Variants in BMPER observed in about 807,000 individuals in gnomAD.
BMPER encodes BMP-binding endothelial regulator protein.
Under a neutral mutation model 87.3 loss-of-function variants are expected in BMPER, and 45 were observed. The ratio of observed to expected loss-of-function variants is 0.52; its 90% confidence interval spans 0.41 to 0.66. The LOEUF is 0.66. BMPER is among the 30% of genes least tolerant of loss of function. The pLI is 0.00. For synonymous variants in BMPER, 326 were observed against 316.2 expected, an observed-to-expected ratio of 1.03 and a Z score of -0.33; for missense variants, 784 against 867.5, an observed-to-expected ratio of 0.90 and a Z score of 1.21.
intron 6 of BMPER, among the ~76,000 whole-genome samples, chr7:34,014,414 T>C (rs1373623934): frequency 6.6e-6 from 1 of 151,900 alleles, no homozygotes; most frequent in Non-Finnish European, 1.5e-5. Flanking sequence ...AGAGGAGAGA[T>C]ATCCTTCAAA....
chr7:33,989,358 G>C (rs1218966681), intron 6 of BMPER, among the ~76,000 whole-genome samples: 1 of 151,512 alleles, frequency 6.6e-6, no homozygotes, highest in Admixed American at 6.6e-5. Flanking sequence ...GCATTTCTCT[G>C]ATGGCCAGTG....
intron 6 of BMPER, among the ~76,000 whole-genome samples, chr7:34,009,355 A>G (rs1200556243): frequency 6.6e-6 from 1 of 151,976 alleles, no homozygotes; most frequent in Non-Finnish European, 1.5e-5. Context: ...AAGATTAAAT[A>G]ACCTTCATAA....
At chr7:34,131,251 G>T (rs1020685841) in intron 13 of BMPER, among the ~76,000 whole-genome samples, 1 of 152,134 alleles carries the variant, frequency 6.6e-6, no homozygotes. Context: ...GGGACGGGTA[G>T]CACCCTGTTT....
intron 13 of BMPER, among the ~76,000 whole-genome samples, chr7:34,107,693 G>A (rs977487359): frequency 5.3e-5 from 8 of 152,158 alleles, no homozygotes; most frequent in African/African-American, 1.7e-4. Flanking sequence ...TTTCTCCAAT[G>A]AGACTGCTTT....
chr7:33,959,659 T>A (rs1440582718), intron 3 of BMPER, among the ~76,000 whole-genome samples: 1 of 152,224 alleles, frequency 6.6e-6, no homozygotes, highest in Admixed American at 6.5e-5. Flanking sequence ...TTTTTCTCCC[T>A]TAATGCATTG....
intron 14 of BMPER, among the ~76,000 whole-genome samples, chr7:34,147,611 C>T (rs1254676482): frequency 1.3e-5 from 2 of 152,082 alleles, no homozygotes; most frequent in Non-Finnish European, 2.9e-5. Flanking sequence ...GCTGGGATTA[C>T]AGGCATGTGC....
intron 13 of BMPER, among the ~76,000 whole-genome samples, chr7:34,136,318 T>C (rs935265590): frequency 1.3e-5 from 2 of 152,166 alleles, no homozygotes; most frequent in East Asian, 3.9e-4. Context: ...AGAATGAGTG[T>C]GTGAACGTGC....
intron 13 of BMPER, among the ~76,000 whole-genome samples, chr7:34,123,207 G>C (rs1790305692): frequency 6.6e-6 from 1 of 152,130 alleles, no homozygotes; most frequent in African/African-American, 2.4e-5. Context: ...TATTTAGATG[G>C]TAGAAGTACT....
At chr7:33,914,460 G>A (rs1320764232) in intron 2 of BMPER, among the ~76,000 whole-genome samples, 1 of 152,088 alleles carries the variant, frequency 6.6e-6, no homozygotes, top group Non-Finnish European at 1.5e-5. Context: ...TCTGGCCAAT[G>A]TCATAGACAC....
In BMPER at chr7:33,966,271, T is replaced by C. The variant is rs75119893; in HGVS notation, c.320-208T>C. 8.3e-3 allele frequency among the ~76,000 whole-genome samples: 1,258 copies of C among 152,324 alleles called. 17 individuals carry two copies. Among genetic ancestry groups the C allele is most frequent in the African/African-American group, 0.029 (1,194 of 41,578 alleles). The stretch of plus-strand genomic sequence containing the variant: ...ATAATATAATTCAGGAGGTTAATCT[T>C]CTCAGTAGTCAATGAATTAATGTAA... On this transcript the variant is annotated intron_variant, in intron 3 of 14. Coordinates refer to ENST00000649409, the MANE Select transcript of BMPER (RefSeq NM_001365308.1).
intron 11 of BMPER, among the ~76,000 whole-genome samples, chr7:34,067,950 A>G (rs1309434564): frequency 1.3e-5 from 2 of 152,200 alleles, no homozygotes; most frequent in African/African-American, 4.8e-5. Context: ...CCTATTGTCA[A>G]TTCCCACAGG....
At position 34,055,280 on chromosome 7, in the gene BMPER, A is replaced by G. The variant is rs555635258; in HGVS notation, c.904A>G (p.Lys302Glu). ...RVPPEDIKVC[K>E]FGNKIFQDGE... ...GCCCCCAGAAGACATCAAAGTATGC[A>G]AATTTGGCAACAAGATTTTCCAGGT... Residue 302 changes from lysine to glutamate, a missense_variant, in exon 9 of 15, where the codon AAA becomes GAA. Transcript: ENST00000649409. 7.4e-6 allele frequency: 12 copies of G among 1,614,032 alleles called. No individual in the cohort carries two copies. Among genetic ancestry groups the G allele is most frequent in the African/African-American group, 4.0e-5 (3 of 74,920 alleles).
chr7:33,935,323 C>T (rs920488601), intron 2 of BMPER, among the ~76,000 whole-genome samples: 2 of 152,092 alleles, frequency 1.3e-5, no homozygotes, highest in Admixed American at 6.5e-5. Flanking sequence ...CAGAAATACT[C>T]TCCCCTGATG....
intron 14 of BMPER, among the ~76,000 whole-genome samples, chr7:34,148,788 T>G (rs1350975597): frequency 1.3e-5 from 2 of 152,076 alleles, no homozygotes; most frequent in Admixed American, 1.3e-4. Flanking sequence ...TTCATAGCTA[T>G]AGAATAGTCA....
At chr7:34,073,870 G>T (rs1371695330) in intron 11 of BMPER, among the ~76,000 whole-genome samples, 1 of 152,222 alleles carries the variant, frequency 6.6e-6, no homozygotes, top group Non-Finnish European at 1.5e-5. Flanking sequence ...TGGGAAGCTG[G>T]CATTGGGCCG....
intron 11 of BMPER, among the ~76,000 whole-genome samples, chr7:34,075,197 C>T (rs1028671491): frequency 6.6e-6 from 1 of 152,138 alleles, no homozygotes; most frequent in African/African-American, 2.4e-5. Flanking sequence ...CAGTGTCACT[C>T]TTATTTCTCA....
At chr7:34,061,865 C>A in intron 10 of BMPER, 137 bp from the exon 11 acceptor site, 1 of 716,006 alleles carries the variant, frequency 1.4e-6, no homozygotes, top group Non-Finnish European at 2.3e-6. Context: ...ACCATCTGGG[C>A]ATTGAGTTCA....
chr7:34,073,634 A>G (rs1788790687), intron 11 of BMPER, among the ~76,000 whole-genome samples: 1 of 152,242 alleles, frequency 6.6e-6, no homozygotes, highest in Non-Finnish European at 1.5e-5. Flanking sequence ...TTAGAAGTTA[A>G]GAATATGCTA....
chr7:34,112,449 G>A (rs1206070774), intron 13 of BMPER, among the ~76,000 whole-genome samples: 1 of 126,366 alleles, frequency 7.9e-6, no homozygotes, highest in Admixed American at 1.0e-4. Context: ...TGAGCCGAGA[G>A]ACGCCACAGG....
Sources: gnomAD v4.1 joint callset for allele counts (sites outside exome capture counted in the v4.1 genomes callset) on GRCh38, gnomAD v4.1.1 for gene constraint, MANE v1.5 for transcripts, NCBI Gene and HGNC (gene_info 2026-07-23, HGNC 2026-07-21) for gene names.